Variants in MGAT5 observed in about 807,000 individuals in gnomAD.
MGAT5 encodes the protein alpha-1,6-mannosylglycoprotein 6-beta-N-acetylglucosaminyltransferase A.
Under a neutral mutation model 94.3 loss-of-function variants are expected in MGAT5, and 30 were observed. The ratio of observed to expected loss-of-function variants is 0.32; its 90% CI spans 0.24 to 0.43. The LOEUF (loss-of-function observed/expected upper bound fraction) is 0.43. Ranked by LOEUF, MGAT5 falls within the 20% of genes least tolerant of loss-of-function variation. The probability of loss-of-function intolerance (pLI) is 1.00; values close to 1 mark genes in which losing one functional copy is unlikely to be tolerated. For synonymous variants in MGAT5, 310 were observed against 322.9 expected (o/e 0.96, Z 0.43); for missense variants, 691 against 905.5 (o/e 0.76, Z 3.04).
Position 134,363,496 on chromosome 2 carries a change from T to C in MGAT5, c.1380+1088T>C, listed in dbSNP as rs1236277817. 5.3e-5 allele frequency among the ~76,000 whole-genome samples: 8 copies of C among 152,220 alleles called. No individual in the cohort carries two copies. In the South Asian group the frequency reaches 1.7e-3, roughly 32 times the overall value. The stretch of plus-strand genomic sequence containing the variant: ...CCTTTGTCTTTGTTTAGTACAGTAG[T>C]TCTCAACTGCAGACGATTTTATTTA... On this transcript the variant is annotated intron_variant, in intron 10 of 15. Coordinates refer to ENST00000281923, the MANE Select transcript of MGAT5 (RefSeq NM_002410.5).
At chr2:134,165,904 T>C (rs1268907523) in intron 1 of MGAT5, among the ~76,000 whole-genome samples, 2 of 152,130 alleles carry the variant, frequency 1.3e-5, no homozygotes, top group African/African-American at 4.8e-5. Context: ...CTATGCAAGA[T>C]AGTTAGCTTT....
At chr2:134,378,179 C>T (rs1481016734) in intron 10 of MGAT5, among the ~76,000 whole-genome samples, 2 of 152,136 alleles carry the variant, frequency 1.3e-5, no homozygotes, top group Non-Finnish European at 2.9e-5. Context: ...TGGAAAGATG[C>T]TACAGGAGGA....
intron 1 of MGAT5, among the ~76,000 whole-genome samples, chr2:134,149,038 T>G (rs931476631): frequency 1.3e-5 from 2 of 152,170 alleles, no homozygotes; most frequent in African/African-American, 4.8e-5. Context: ...GTGCTGGGAT[T>G]ACAGCCGTGA....
At position 134,403,570 on chromosome 2, in the gene MGAT5, G is replaced by A. The variant is rs555113344; in HGVS notation, c.1530+433G>A. Among the ~76,000 whole-genome samples the A allele has an allele frequency of 1.5e-4, 23 of 152,290 alleles. No individual in the cohort carries two copies. The East Asian group carries it at 2.9e-3, about 19-fold the overall frequency. On this transcript the variant is annotated intron_variant, in intron 11 of 15. Coordinates refer to ENST00000281923, the MANE Select transcript of MGAT5 (RefSeq NM_002410.5). ...TCATACCTCCTTGTTCACCAAGTAC[G>A]CATTGGACAGTGAAGAAGTTCAGAT...
chr2:134,200,348 T>TCTTC lies in MGAT5; in HGVS notation c.-142-53906_-142-53903dup, dbSNP rs146999235. Among the ~76,000 whole-genome samples the TCTTC allele has an allele frequency of 0.015, 2,326 of 152,238 alleles. 190 individuals carry two copies. In the East Asian group the frequency reaches 0.24, roughly 16 times the overall value. On this transcript the variant is annotated intron_variant, in intron 1 of 16. Transcript: ENST00000409645. ...AGGGATGTCTGCAAGTCCCCTGACA[T>TCTTC]CTTCCTTCCTTTGTAGATTCTTCTG... is the stretch of plus-strand genomic sequence containing the variant.
chr2:134,348,167 G>T (rs1689028773), intron 8 of MGAT5, among the ~76,000 whole-genome samples: 1 of 152,198 alleles, frequency 6.6e-6, no homozygotes. Context: ...GGAAAGGGAT[G>T]CTCTGAGCTA....
intron 1 of MGAT5, among the ~76,000 whole-genome samples, chr2:134,168,488 T>C (rs1350908951): frequency 6.6e-6 from 1 of 152,216 alleles, no homozygotes; most frequent in Non-Finnish European, 1.5e-5. Context: ...AAGGTTACCA[T>C]TTAATATGTT....
intron 1 of MGAT5, among the ~76,000 whole-genome samples, chr2:134,218,584 C>T (rs183028170): frequency 7.2e-5 from 11 of 152,188 alleles, no homozygotes; most frequent in East Asian, 1.9e-4. Flanking sequence ...CATGGTCTGC[C>T]GTCCTGTGGC....
rs909296331 is a variant in MGAT5 at position 134,235,426 on chromosome 2, G to A, written c.-142-18836G>A. ...TTAAAACGTCTTCCAACATGATCGT[G>A]ATACCCAGTGAGGGTTGAGAAACGA... On this transcript the variant is annotated intron_variant, in intron 1 of 16. Coordinates refer to the MGAT5 transcript ENST00000409645. 2.0e-5 allele frequency among the ~76,000 whole-genome samples: 3 copies of A among 152,122 alleles called. 1 individual carries two copies. Among genetic ancestry groups the A allele is most frequent in the Admixed American group, 1.3e-4 (2 of 15,272 alleles).
intron 1 of MGAT5, among the ~76,000 whole-genome samples, chr2:134,132,605 C>T (rs1359577090): frequency 6.6e-6 from 1 of 152,252 alleles, no homozygotes; most frequent in East Asian, 1.9e-4. Flanking sequence ...TTTCACACTA[C>T]AATGGCAGAG....
rs1688645266 is a variant in MGAT5, at chr2:134,341,775, T to G, written c.977+16T>G. On this transcript the variant is annotated intron_variant, in intron 7 of 15. Transcript: ENST00000281923. ...AGCTCAAGGAGTAAGGAGATTACTT[T>G]TCAATTTTAAAATCAGAATACAAAA... is the stretch of plus-strand genomic sequence containing the variant. 1 of 1,580,922 alleles carries G rather than the reference T, an allele frequency of 6.3e-7. No individual in the cohort carries two copies. The highest frequency in any genetic ancestry group is 8.6e-7 in the Non-Finnish European group (1 of 1,167,626).
rs183311300 is a variant in MGAT5 at position 134,224,854 on chromosome 2, G to A, written c.-142-29408G>A. ...AGCACTTTGGGAGGCCAAGGTGGGA[G>A]GATCACTTAAGCCCAGGAGTTCAAG... On this transcript the variant is annotated intron_variant, in intron 1 of 16. Transcript: ENST00000409645. Among the ~76,000 whole-genome samples, 211 of 152,168 alleles carry A rather than the reference G, an allele frequency of 1.4e-3. 1 individual carries two copies. The highest frequency in any genetic ancestry group is 4.8e-3 in the African/African-American group (200 of 41,518).
At chr2:134,336,381 C>A in intron 5 of MGAT5, 93 bp downstream of exon 5, 3 of 1,050,118 alleles carry the variant, frequency 2.9e-6, no homozygotes, top group Non-Finnish European at 4.3e-6. Context: ...CCAACTATAA[C>A]CTGAAATAGT....
At chr2:134,222,486 A>C (rs2105357971) in intron 1 of MGAT5, among the ~76,000 whole-genome samples, 1 of 152,410 alleles carries the variant, frequency 6.6e-6, no homozygotes, top group African/African-American at 2.4e-5. Flanking sequence ...GAATTTAATA[A>C]ATTTAATTTC....
intron 14 of MGAT5, among the ~76,000 whole-genome samples, chr2:134,434,868 C>CCTCT (rs1685084505): frequency 6.6e-6 from 1 of 152,200 alleles, no homozygotes; most frequent in Non-Finnish European, 1.5e-5. Context: ...GCGCACTGAA[C>CCTCT]CTCTGAGTCC....
At chr2:134,319,316 C>T (rs1687184254) in intron 4 of MGAT5, among the ~76,000 whole-genome samples, 1 of 152,096 alleles carries the variant, frequency 6.6e-6, no homozygotes. Flanking sequence ...CTCACCTACA[C>T]TTGTTATTTT....
At chr2:134,341,829 C>G in intron 7 of MGAT5, 70 bp downstream of exon 7, 2 of 1,329,138 alleles carry the variant, frequency 1.5e-6, no homozygotes, top group South Asian at 1.5e-5. Context: ...AAAGTATTAC[C>G]TCTATTAGTG....
chr2:134,233,620 G>C (rs1681482052), intron 1 of MGAT5, among the ~76,000 whole-genome samples: 2 of 152,168 alleles, frequency 1.3e-5, no homozygotes, highest in African/African-American at 4.8e-5. Context: ...CAGGCAGAAG[G>C]CTAGGTCCTT....
chr2:134,177,240 T>C (rs946396369), intron 1 of MGAT5, among the ~76,000 whole-genome samples: 1 of 151,514 alleles, frequency 6.6e-6, no homozygotes, highest in Non-Finnish European at 1.5e-5. Context: ...TAAACAGTTC[T>C]ATGGGATGGG....
Sources: gnomAD v4.1 joint callset for allele counts (sites outside exome capture counted in the v4.1 genomes callset) on GRCh38, gnomAD v4.1.1 for gene constraint, MANE v1.5 for transcripts, NCBI Gene and HGNC (gene_info 2026-07-23, HGNC 2026-07-21) for gene names.